Variants in DENND1A observed in about 807,000 individuals in gnomAD.
The protein encoded by DENND1A is DENN domain-containing protein 1A.
Under a neutral mutation model 113.7 loss-of-function variants are expected in DENND1A, and 51 were observed. The ratio of observed to expected loss-of-function variants is 0.45; its 90% CI spans 0.36 to 0.57. DENND1A has a LOEUF of 0.57. Ranked by LOEUF, DENND1A falls within the 20% of genes least tolerant of loss-of-function variation. DENND1A has a pLI of 0.00. For synonymous variants in DENND1A, 565 were observed against 570.8 expected (o/e 0.99, Z 0.14); for missense variants, 1,258 against 1,395.9 (o/e 0.90, Z 1.57).
At chr9:123,490,104 T>C (rs1172277031) in intron 13 of DENND1A, among the ~76,000 whole-genome samples, 1 of 152,226 alleles carries the variant, frequency 6.6e-6, no homozygotes, top group Non-Finnish European at 1.5e-5. Flanking sequence ...GAAGTACTAG[T>C]TAAGGCCGGC....
chr9:123,799,449 A>G (rs1490861174), intron 2 of DENND1A, among the ~76,000 whole-genome samples: 2 of 152,174 alleles, frequency 1.3e-5, no homozygotes, highest in Non-Finnish European at 2.9e-5. Context: ...GAACACACAG[A>G]ATTAAACAAG....
chr9:123,744,571 C>T (rs2069308614), intron 5 of DENND1A, among the ~76,000 whole-genome samples: 1 of 152,110 alleles, frequency 6.6e-6, no homozygotes, highest in Admixed American at 6.5e-5. Flanking sequence ...ACAACCTGAT[C>T]AACAGTGTGT....
At chr9:123,570,008 T>C (rs571382145) in intron 12 of DENND1A, among the ~76,000 whole-genome samples, 3 of 152,288 alleles carry the variant, frequency 2.0e-5, no homozygotes, top group African/African-American at 7.2e-5. Flanking sequence ...TCTCATCTTT[T>C]GTCCCTCCCA....
intron 3 of DENND1A, among the ~76,000 whole-genome samples, chr9:123,791,585 C>T (rs1564278222): frequency 6.6e-6 from 1 of 152,124 alleles, no homozygotes; most frequent in African/African-American, 2.4e-5. Flanking sequence ...ATTATGTCCC[C>T]TTTATTCATA....
chr9:123,719,683 C>T (rs866008352), intron 5 of DENND1A, among the ~76,000 whole-genome samples: 25 of 151,886 alleles, frequency 1.6e-4, no homozygotes, highest in Admixed American at 3.3e-4. Context: ...GCAAGATAAT[C>T]CTGAGGATGG....
intron 19 of DENND1A, among the ~76,000 whole-genome samples, chr9:123,424,475 C>T (rs2045560728): frequency 6.6e-6 from 1 of 152,220 alleles, no homozygotes; most frequent in South Asian, 2.1e-4. Context: ...ATTAGGCTCC[C>T]ACCAGCCCTG....
rs1842252618 is a variant in DENND1A, at chr9:123,844,252, CAAG to C, written c.88+34696_88+34698del. ...GGTATGAAAAAGAAATAAAAGTCAT[CAAG>C]AATAGAAAGAAAGAAGTAGTACTAT... On this transcript the variant is annotated intron_variant, in intron 2 of 23. Coordinates refer to ENST00000394215, the MANE Select transcript of DENND1A (RefSeq NM_001352964.2). 2.0e-5 allele frequency among the ~76,000 whole-genome samples: 3 copies of C among 151,978 alleles called. No homozygotes were observed. The South Asian group carries it at 6.2e-4, about 32-fold the overall frequency.
chr9:123,681,675 G>A (rs568620115), intron 5 of DENND1A, among the ~76,000 whole-genome samples: 2 of 152,304 alleles, frequency 1.3e-5, no homozygotes, highest in Non-Finnish European at 2.9e-5. Context: ...ATGATGTTCA[G>A]TAGACAGGTA....
chr9:123,739,666 C>T (rs1383782047), intron 5 of DENND1A, among the ~76,000 whole-genome samples: 1 of 152,024 alleles, frequency 6.6e-6, no homozygotes, highest in African/African-American at 2.4e-5. Flanking sequence ...GAAAGACACT[C>T]CCAGCTGGAG....
At chr9:123,916,946 T>C (rs1323791187) in intron 1 of DENND1A, among the ~76,000 whole-genome samples, 1 of 151,938 alleles carries the variant, frequency 6.6e-6, no homozygotes, top group Non-Finnish European at 1.5e-5. Flanking sequence ...TCCCAGCACT[T>C]TGGGAGGCCA....
Position 123,422,796 on chromosome 9 carries a change from C to T in DENND1A, c.1489-10967G>A, listed in dbSNP as rs531247389. On this transcript the variant is annotated intron_variant, in intron 19 of 23. Transcript: ENST00000394215. This position sits in a 1 kb window ranked among gnomAD's most constrained non-coding sequence, Gnocchi z 4.8. ...TTTGTACTGCTGTGAGATGGGAAAACGTGTGACATTTTTATTCATGGTGGC... is the reference window on the plus strand; with the variant it reads ...TTTGTACTGCTGTGAGATGGGAAAATGTGTGACATTTTTATTCATGGTGGC... 2.0e-5 allele frequency among the ~76,000 whole-genome samples: 3 copies of T among 152,146 alleles called. No individual in the cohort carries two copies. The highest frequency in any genetic ancestry group is 6.5e-5 in the Admixed American group (1 of 15,282).
intron 12 of DENND1A, among the ~76,000 whole-genome samples, chr9:123,578,296 G>A (rs1189517478): frequency 1.3e-5 from 2 of 152,202 alleles, no homozygotes; most frequent in Non-Finnish European, 2.9e-5. Context: ...TCACCTCACT[G>A]GCTTCCTTTC....
chr9:123,615,750 T>C (rs935271942), intron 10 of DENND1A, among the ~76,000 whole-genome samples: 3 of 152,184 alleles, frequency 2.0e-5, no homozygotes, highest in Admixed American at 6.5e-5. Context: ...TGACTCTAGA[T>C]TGTCAGTCAC....
At chr9:123,489,129 G>A (rs1393470772) in intron 13 of DENND1A, among the ~76,000 whole-genome samples, 1 of 152,110 alleles carries the variant, frequency 6.6e-6, no homozygotes, top group African/African-American at 2.4e-5. Flanking sequence ...ACAGCTGCAG[G>A]CGAGAACCAA....
intron 2 of DENND1A, among the ~76,000 whole-genome samples, chr9:123,842,010 C>T (rs1841910511): frequency 6.6e-6 from 1 of 152,130 alleles, no homozygotes; most frequent in South Asian, 2.1e-4. Flanking sequence ...AGGTTGAGAG[C>T]TCAGAAGAAA....
rs1000813593 is a variant in DENND1A at position 123,563,053 on chromosome 9, T to A, written c.868-5358A>T. On this transcript the variant is annotated intron_variant, in intron 12 of 23. Coordinates refer to ENST00000394215, the MANE Select transcript of DENND1A (RefSeq NM_001352964.2). ...TAGGATCACATTCTTTAGTGACGGA[T>A]CATTAGAAGAAACTGGTCTCTGTTG... Among the ~76,000 whole-genome samples the A allele has an allele frequency of 2.6e-5, 4 of 152,132 alleles. No homozygotes were observed. In the East Asian group the frequency reaches 7.7e-4, roughly 29 times the overall value.
intron 18 of DENND1A, among the ~76,000 whole-genome samples, chr9:123,445,682 C>G (rs574841076): frequency 2.6e-5 from 4 of 152,260 alleles, no homozygotes; most frequent in African/African-American, 9.6e-5. Flanking sequence ...ACCAGCCTGG[C>G]CAACATGGCA....
At chr9:123,680,150 T>C (rs971896683) in intron 5 of DENND1A, among the ~76,000 whole-genome samples, 7 of 152,158 alleles carry the variant, frequency 4.6e-5, no homozygotes, top group Non-Finnish European at 8.8e-5. Flanking sequence ...AGCATCATCA[T>C]GACCCAATCA....
At chr9:123,591,696 A>C (rs2059462857) in intron 11 of DENND1A, among the ~76,000 whole-genome samples, 1 of 152,218 alleles carries the variant, frequency 6.6e-6, no homozygotes. Context: ...TTAACTGGGG[A>C]ATGAGAAACG....
Sources: gnomAD v4.1 joint callset for allele counts (sites outside exome capture counted in the v4.1 genomes callset) on GRCh38, gnomAD v4.1.1 for gene constraint, Gnocchi (gnomAD v3.1) non-coding constraint, MANE v1.5 for transcripts, NCBI Gene and HGNC (gene_info 2026-07-23, HGNC 2026-07-21) for gene names.